AGBL1: variants seen among roughly 807,000 people sequenced by gnomAD.
The protein encoded by AGBL1 is cytosolic carboxypeptidase 4.
In AGBL1, 130 loss-of-function variants were observed where a neutral mutation model predicts 118.9. The observed-to-expected ratio is 1.09, with a 90% confidence interval of 0.95 to 1.26. The LOEUF (loss-of-function observed/expected upper bound fraction) is 1.26. Ranked by LOEUF, AGBL1 falls within the 50% of genes most tolerant of loss-of-function variation. The pLI, the probability that AGBL1 is intolerant of heterozygous loss-of-function variation, is 0.00. For synonymous variants in AGBL1, 555 were observed against 478.9 expected, an observed-to-expected ratio of 1.16 and a Z score of -2.08; for missense variants, 1,584 against 1,298.1, an observed-to-expected ratio of 1.22 and a Z score of -3.38.
chr15:86,443,170 C>T (rs1358451516), intron 18 of AGBL1, among the ~76,000 whole-genome samples: 4 of 152,208 alleles, frequency 2.6e-5, no homozygotes, highest in Non-Finnish European at 4.4e-5. Flanking sequence ...TGTGGCCCTT[C>T]TGCAATGACC....
chr15:86,267,970 C>T (rs368160364), intron 13 of AGBL1, among the ~76,000 whole-genome samples: 82 of 152,298 alleles, frequency 5.4e-4, no homozygotes, highest in African/African-American at 1.9e-3. Flanking sequence ...CCTTTATTTC[C>T]TCACTCACAA....
At chr15:86,375,025 C>A (rs1209201188) in intron 17 of AGBL1, among the ~76,000 whole-genome samples, 1 of 152,142 alleles carries the variant, frequency 6.6e-6, no homozygotes, top group Non-Finnish European at 1.5e-5. Flanking sequence ...TTCTTGGTTT[C>A]CCTTTGTGGA....
chr15:86,747,392 AAAT>A (rs1039888598), intron 22 of AGBL1, among the ~76,000 whole-genome samples: 1 of 152,168 alleles, frequency 6.6e-6, no homozygotes, highest in Non-Finnish European at 1.5e-5. Flanking sequence ...AAATAAATAA[AAAT>A]AATAAAACAT....
intron 22 of AGBL1, among the ~76,000 whole-genome samples, chr15:86,742,614 G>C (rs80353640): frequency 1.3e-5 from 2 of 152,006 alleles, no homozygotes; most frequent in Non-Finnish European, 2.9e-5. Flanking sequence ...TTACCTCCCC[G>C]TAGGCCAGTC....
At chr15:86,766,538 C>G (rs753450729) in intron 22 of AGBL1, among the ~76,000 whole-genome samples, 21 of 151,800 alleles carry the variant, frequency 1.4e-4, no homozygotes, top group Admixed American at 3.3e-4. Flanking sequence ...ACAAGAAATA[C>G]AAAATTTATA....
intron 17 of AGBL1, among the ~76,000 whole-genome samples, chr15:86,373,688 G>A (rs1339940244): frequency 6.6e-6 from 1 of 152,106 alleles, no homozygotes; most frequent in African/African-American, 2.4e-5. Flanking sequence ...CAAAGACAAA[G>A]GTAACAGAGG....
chr15:86,754,906 C>G (rs192055604), intron 22 of AGBL1, among the ~76,000 whole-genome samples: 28 of 152,218 alleles, frequency 1.8e-4, no homozygotes, highest in Admixed American at 1.5e-3. Flanking sequence ...TCCCTTCTCT[C>G]TCATATCCAT....
rs1361527870 is a variant in AGBL1, at chr15:86,915,231, C to G, written c.*7937C>G. ...CTTTGGTTGTGCTTCCTTTCCAACC[C>G]TTTCATCCCTGTGCAGCCTGATAGT... On this transcript the variant is annotated 3_prime_UTR_variant, in exon 23 of 23. Coordinates refer to ENST00000614907, the MANE Select transcript of AGBL1 (RefSeq NM_001386094.1). The G allele has an allele frequency of 2.6e-5, 4 of 152,216 alleles. No homozygotes were observed. The highest frequency in any genetic ancestry group is 7.2e-5 in the African/African-American group (3 of 41,436). The allele number at this position is 152,216 out of a possible 1,614,324, so 9.4% of individuals were successfully genotyped here.
chr15:86,650,325 C>A (rs1431793670), intron 21 of AGBL1, among the ~76,000 whole-genome samples: 2 of 152,092 alleles, frequency 1.3e-5, no homozygotes, highest in Non-Finnish European at 2.9e-5. Context: ...GGTGTTTCAG[C>A]CATCAGTCAT....
chr15:86,978,334 G>T (rs1218511738), intron 23 of AGBL1, among the ~76,000 whole-genome samples: 1 of 152,176 alleles, frequency 6.6e-6, no homozygotes, highest in African/African-American at 2.4e-5. Context: ...CAAAGCGATT[G>T]TAAGTTTCAG....
At chr15:86,522,357 C>T (rs1216285799) in intron 18 of AGBL1, among the ~76,000 whole-genome samples, 2 of 152,196 alleles carry the variant, frequency 1.3e-5, no homozygotes, top group Non-Finnish European at 2.9e-5. Flanking sequence ...ATAAGCCTCA[C>T]TCTCTTCATT....
intron 24 of AGBL1, among the ~76,000 whole-genome samples, chr15:87,018,234 G>A (rs1225734369): frequency 6.6e-6 from 1 of 152,034 alleles, no homozygotes; most frequent in Non-Finnish European, 1.5e-5. Context: ...TAGTAAGACA[G>A]GCCAACATTC....
intron 22 of AGBL1, among the ~76,000 whole-genome samples, chr15:86,760,595 A>G (rs932055213): frequency 1.3e-5 from 2 of 152,078 alleles, no homozygotes; most frequent in Admixed American, 6.6e-5. Context: ...ATGATCGATA[A>G]CTTGGCCAGC....
At chr15:86,175,177 C>T (rs1303465388) in intron 5 of AGBL1, among the ~76,000 whole-genome samples, 1 of 151,894 alleles carries the variant, frequency 6.6e-6, no homozygotes, top group Non-Finnish European at 1.5e-5. Flanking sequence ...CTTTTTATTA[C>T]TCATTCAATC....
At chr15:86,319,522 C>T (rs1320430106) in intron 17 of AGBL1, among the ~76,000 whole-genome samples, 2 of 152,060 alleles carry the variant, frequency 1.3e-5, no homozygotes, top group African/African-American at 4.8e-5. Context: ...CTTTCTCTCA[C>T]ATTATATATG....
chr15:86,870,825 C>G (rs560457770), intron 22 of AGBL1, among the ~76,000 whole-genome samples: 1 of 152,136 alleles, frequency 6.6e-6, no homozygotes, highest in Non-Finnish European at 1.5e-5. Flanking sequence ...ATTACTATTT[C>G]ATCAAAGATG....
chr15:86,111,917 G>A lies in AGBL1; in HGVS notation c.52-30087G>A, dbSNP rs1897409483. The stretch of plus-strand genomic sequence containing the variant: ...TCTGCCTCCTGTCAGATCAGCAGTG[G>A]CATTAGATTCTCATAGGAGCACGAG... On this transcript the variant is annotated intron_variant, in intron 1 of 22. Coordinates refer to ENST00000614907, the MANE Select transcript of AGBL1 (RefSeq NM_001386094.1). 2.6e-5 allele frequency among the ~76,000 whole-genome samples: 4 copies of A among 152,100 alleles called. No homozygotes were observed. The South Asian group carries it at 8.3e-4, about 32-fold the overall frequency.
intron 19 of AGBL1, among the ~76,000 whole-genome samples, chr15:86,534,112 T>TAAAAAAA (rs61563504): frequency 3.1e-5 from 3 of 96,444 alleles, no homozygotes; most frequent in African/African-American, 7.5e-5. Flanking sequence ...TAAAGTATAA[T>TAAAAAAA]AAAAAAAAAA....
In AGBL1 at chr15:86,501,991, C is replaced by T. The variant is rs562679213; in HGVS notation, c.2556-20819C>T. Among the ~76,000 whole-genome samples the T allele has an allele frequency of 4.0e-5, 6 of 151,584 alleles. No homozygotes were observed. The South Asian group carries it at 1.2e-3, about 31-fold the overall frequency. On this transcript the variant is annotated intron_variant, in intron 18 of 22. Transcript: ENST00000614907. Reference sequence around the variant, plus strand: ...TTGAAAATAAAAAAACCCAGATGGACTTATGATAGAGATTGTGTTGAAACT... The same window carrying T: ...TTGAAAATAAAAAAACCCAGATGGATTTATGATAGAGATTGTGTTGAAACT...
Sources: allele counts gnomAD v4.1 joint callset (sites outside exome capture counted in the v4.1 genomes callset), GRCh38; gene constraint gnomAD v4.1.1; transcripts MANE v1.5; gene names NCBI Gene and HGNC (gene_info 2026-07-23, HGNC 2026-07-21).